OPCML: variants seen among roughly 807,000 people sequenced by gnomAD.
OPCML encodes opioid binding protein/cell adhesion molecule like, also known as opioid-binding protein/cell adhesion molecule.
A neutral mutation model predicts 37.8 loss-of-function variants in OPCML; 13 were observed. The ratio of observed to expected loss-of-function variants is 0.34; its 90% CI spans 0.22 to 0.55. The LOEUF is 0.55. Among genes scored for constraint, OPCML ranks in the 20% least tolerant of loss-of-function variants. The probability of loss-of-function intolerance (pLI) is 0.91; values close to 1 mark genes in which losing one functional copy is unlikely to be tolerated. For missense variants in OPCML, 341 were observed against 435.6 expected (o/e 0.78, Z 1.93); for synonymous variants, 176 against 168.8 (o/e 1.04, Z -0.33).
chr11:132,518,525 C>T (rs1209436328), intron 4 of OPCML, among the ~76,000 whole-genome samples: 1 of 152,194 alleles, frequency 6.6e-6, no homozygotes, highest in African/African-American at 2.4e-5. Flanking sequence ...TCCAGCACAC[C>T]TCGGGACATT....
chr11:132,746,761 C>T (rs535589433), intron 2 of OPCML, among the ~76,000 whole-genome samples: 9 of 152,272 alleles, frequency 5.9e-5, no homozygotes, highest in African/African-American at 1.2e-4. Flanking sequence ...TTTTGACTCC[C>T]GGGTAGGTAT....
At chr11:132,669,105 T>C (rs1264692928) in intron 2 of OPCML, among the ~76,000 whole-genome samples, 1 of 152,092 alleles carries the variant, frequency 6.6e-6, no homozygotes, top group Non-Finnish European at 1.5e-5. Context: ...TCAACACAAT[T>C]GTGCACACCT....
chr11:132,480,127 T>C (rs1010784990), intron 4 of OPCML, among the ~76,000 whole-genome samples: 25 of 151,724 alleles, frequency 1.6e-4, no homozygotes, highest in Admixed American at 1.4e-3. Flanking sequence ...TTGAAAAAAA[T>C]TTAGAAGAAT....
At chr11:132,491,542 C>T (rs2096215628) in intron 4 of OPCML, among the ~76,000 whole-genome samples, 1 of 152,276 alleles carries the variant, frequency 6.6e-6, no homozygotes, top group Non-Finnish European at 1.5e-5. Flanking sequence ...CAGAGGGGCT[C>T]ATGGTATATT....
At chr11:133,182,898 G>A (rs770778339) in intron 1 of OPCML, among the ~76,000 whole-genome samples, 6 of 152,146 alleles carry the variant, frequency 3.9e-5, no homozygotes, top group Non-Finnish European at 5.9e-5. Flanking sequence ...GGAACACCAC[G>A]AAGGCGCCCA....
At chr11:133,098,436 C>T (rs1262729150) in intron 1 of OPCML, among the ~76,000 whole-genome samples, 3 of 152,032 alleles carry the variant, frequency 2.0e-5, no homozygotes, top group Non-Finnish European at 2.9e-5. Context: ...AGGATGGTCT[C>T]GGTTTCCTGA....
chr11:132,729,571 G>T (rs1945005679), intron 2 of OPCML, among the ~76,000 whole-genome samples: 1 of 152,262 alleles, frequency 6.6e-6, no homozygotes, highest in African/African-American at 2.4e-5. Context: ...CTCATCCAAG[G>T]TTCAGCAGCC....
intron 2 of OPCML, among the ~76,000 whole-genome samples, chr11:132,873,450 T>C (rs2725421): frequency 0.097 from 14,685 of 152,040 alleles, 892 homozygotes; most frequent in South Asian, 0.29. Context: ...GCCCTTTCCC[T>C]GAGAGAAGGC....
intron 1 of OPCML, among the ~76,000 whole-genome samples, chr11:133,078,912 C>T (rs1948666710): frequency 6.6e-6 from 1 of 152,160 alleles, no homozygotes; most frequent in South Asian, 2.1e-4. Flanking sequence ...AAAGCACCCA[C>T]CTACTAGGGG....
intron 1 of OPCML, among the ~76,000 whole-genome samples, chr11:132,951,450 T>C (rs1945859777): frequency 6.6e-6 from 1 of 152,182 alleles, no homozygotes; most frequent in African/African-American, 2.4e-5. Flanking sequence ...TAGGGCCCCA[T>C]CCTTCTGACC....
intron 3 of OPCML, among the ~76,000 whole-genome samples, chr11:132,544,989 A>C (rs936469045): frequency 1.3e-5 from 2 of 152,172 alleles, no homozygotes; most frequent in Non-Finnish European, 2.9e-5. Flanking sequence ...CATACTCATC[A>C]TACATTCCAG....
chr11:132,825,664 C>A (rs1040983785), intron 2 of OPCML, among the ~76,000 whole-genome samples: 3 of 152,192 alleles, frequency 2.0e-5, no homozygotes, highest in Non-Finnish European at 2.9e-5. Context: ...AAATACAACT[C>A]TAATTAAACA....
At chr11:132,861,750 G>A (rs763390777) in intron 2 of OPCML, among the ~76,000 whole-genome samples, 55 of 151,488 alleles carry the variant, frequency 3.6e-4, no homozygotes, top group South Asian at 6.2e-4. Flanking sequence ...CAGGGGAATC[G>A]CTTGAACCCG....
chr11:133,437,867 C>T (rs1946275928), intron 1 of OPCML, among the ~76,000 whole-genome samples: 1 of 151,988 alleles, frequency 6.6e-6, no homozygotes, highest in Non-Finnish European at 1.5e-5. Flanking sequence ...TATTTTAAAC[C>T]TATACTCCAC....
intron 4 of OPCML, among the ~76,000 whole-genome samples, chr11:132,460,370 T>G (rs761256007): frequency 6.6e-6 from 1 of 152,192 alleles, no homozygotes; most frequent in African/African-American, 2.4e-5. Context: ...GCTAACAATG[T>G]CTTAGTATTA....
chr11:132,531,271 C>A (rs959755490), intron 3 of OPCML, among the ~76,000 whole-genome samples: 2 of 152,188 alleles, frequency 1.3e-5, no homozygotes, highest in African/African-American at 2.4e-5. Context: ...GATACTCAAA[C>A]CTTTCTTTCT....
intron 1 of OPCML, among the ~76,000 whole-genome samples, chr11:132,966,296 G>A (rs1053414378): frequency 7.2e-5 from 11 of 151,836 alleles, no homozygotes; most frequent in African/African-American, 2.7e-4. Context: ...TTGATCATTG[G>A]TATTTGAGTG....
intron 1 of OPCML, among the ~76,000 whole-genome samples, chr11:133,122,508 C>A (rs191425980): frequency 6.6e-6 from 1 of 152,106 alleles, no homozygotes; most frequent in African/African-American, 2.4e-5. Flanking sequence ...TTCTGGTTGA[C>A]GGTTCTCACA....
chr11:132,789,558 AAG>A (rs1362713677), intron 2 of OPCML, among the ~76,000 whole-genome samples: 1 of 152,222 alleles, frequency 6.6e-6, no homozygotes, highest in African/African-American at 2.4e-5. Context: ...GGGGACTACT[AAG>A]AGCTGTTTCT....
Sources: allele counts gnomAD v4.1 joint callset (sites outside exome capture counted in the v4.1 genomes callset), GRCh38; gene constraint gnomAD v4.1.1; transcripts MANE v1.5; gene names NCBI Gene and HGNC (gene_info 2026-07-23, HGNC 2026-07-21).